The following FRMPD1 variants were observed in gnomAD, a reference collection of about 807,000 sequenced individuals.
The protein encoded by FRMPD1 is FERM and PDZ domain containing 1, also known as FERM and PDZ domain-containing protein 1.
FRMPD1 carries 76 observed loss-of-function variants against 117.8 expected under a neutral mutation model. That is an observed-to-expected ratio of 0.65 (90% confidence interval 0.54 to 0.78). The LOEUF (loss-of-function observed/expected upper bound fraction) is 0.78, where lower values mean the gene tolerates loss of function less well. Ranked by LOEUF, FRMPD1 falls within the 30% of genes least tolerant of loss-of-function variation. The probability of loss-of-function intolerance (pLI) is 0.00; values close to 1 mark genes in which losing one functional copy is unlikely to be tolerated. For missense variants in FRMPD1, 1,786 were observed against 1,964.5 expected (o/e 0.91, Z 1.72); for synonymous variants, 783 against 770.4 (o/e 1.02, Z -0.27).
At chr9:37,619,823 G>A in the FRMPD1 span, among the ~76,000 whole-genome samples, 34 of 151,396 alleles carry the variant, frequency 2.2e-4, no homozygotes, top group African/African-American at 7.3e-4. Context: ...GGACCCTGCC[G>A]TATAGTCTTG....
intron 8 of FRMPD1, among the ~76,000 whole-genome samples, chr9:37,730,072 C>A (rs1171430823): frequency 1.3e-5 from 2 of 152,176 alleles, no homozygotes; most frequent in African/African-American, 4.8e-5. Flanking sequence ...GATTTAAGGT[C>A]CCCATTTTGC....
At chr9:37,670,159 A>T (rs1821303476) in intron 1 of FRMPD1, 1 of 152,166 alleles carries the variant, frequency 6.6e-6, no homozygotes. Context: ...ACTGTATTAT[A>T]CTGGGTTTTC....
At chr9:37,695,035 ATAG>A (rs1822273079) in intron 2 of FRMPD1, among the ~76,000 whole-genome samples, 2 of 152,194 alleles carry the variant, frequency 1.3e-5, no homozygotes, top group African/African-American at 2.4e-5. Context: ...AGATAGATAG[ATAG>A]ATAGATAGAT....
At chr9:37,637,186 G>A in the FRMPD1 span, 2 of 1,609,434 alleles carry the variant, frequency 1.2e-6, no homozygotes, top group Non-Finnish European at 1.7e-6. Context: ...TGCTGATGTA[G>A]CTCTCTGTGT....
chr9:37,672,758 A>G (rs1051517532), intron 1 of FRMPD1, among the ~76,000 whole-genome samples: 1 of 152,184 alleles, frequency 6.6e-6, no homozygotes, highest in Non-Finnish European at 1.5e-5. Context: ...CCTCAGAATC[A>G]TGGCAGGAGG....
At chr9:37,611,321 A>G in the FRMPD1 span, among the ~76,000 whole-genome samples, 1 of 152,218 alleles carries the variant, frequency 6.6e-6, no homozygotes, top group Non-Finnish European at 1.5e-5. Flanking sequence ...TGCTTATGCG[A>G]ATCTACATGT....
At chr9:37,717,343 G>GTA (rs1823173850) in intron 5 of FRMPD1, among the ~76,000 whole-genome samples, 1 of 42,386 alleles carries the variant, frequency 2.4e-5, no homozygotes, top group Non-Finnish European at 6.5e-5. Context: ...GTGTATATAT[G>GTA]TGTGTGTGTG....
chr9:37,729,382 CAAAAAAAAAAA>C (rs60967717), intron 7 of FRMPD1, among the ~76,000 whole-genome samples: 5 of 54,724 alleles, frequency 9.1e-5, no homozygotes, highest in Non-Finnish European at 1.2e-4. Context: ...GAGACCCTCT[CAAAAAAAAAAA>C]AAAAAAAAAA....
intron 1 of FRMPD1, among the ~76,000 whole-genome samples, chr9:37,678,320 G>A (rs1821603828): frequency 7.2e-6 from 1 of 139,238 alleles, no homozygotes; most frequent in African/African-American, 2.7e-5. Context: ...GAGTGCAGTG[G>A]TGCAATCTCG....
At chr9:37,614,351 A>G in the FRMPD1 span, among the ~76,000 whole-genome samples, 3 of 152,252 alleles carry the variant, frequency 2.0e-5, no homozygotes, top group Non-Finnish European at 4.4e-5. Context: ...TGGGGAAGGC[A>G]GGCTGGGATC....
intron 5 of FRMPD1, among the ~76,000 whole-genome samples, chr9:37,718,383 A>T (rs1214933400): frequency 6.6e-6 from 1 of 152,234 alleles, no homozygotes; most frequent in Non-Finnish European, 1.5e-5. Flanking sequence ...TCAGGATTTC[A>T]TCCAGGAAGG....
chr9:37,682,385 A>T (rs1391760971), intron 1 of FRMPD1, among the ~76,000 whole-genome samples: 1 of 152,212 alleles, frequency 6.6e-6, no homozygotes, highest in Non-Finnish European at 1.5e-5. Flanking sequence ...ATAGAGTTGG[A>T]CATCCAGGAA....
chr9:37,661,416 C>T (rs1001601066), intron 1 of FRMPD1, among the ~76,000 whole-genome samples: 1 of 152,198 alleles, frequency 6.6e-6, no homozygotes, highest in Non-Finnish European at 1.5e-5. Flanking sequence ...CTGTTTTCCA[C>T]CTACACATGG....
intron 2 of FRMPD1, among the ~76,000 whole-genome samples, chr9:37,700,015 A>G (rs1455785013): frequency 6.6e-6 from 1 of 152,158 alleles, no homozygotes. Flanking sequence ...TAAGAAGTCT[A>G]TTTACTAATT....
At chr9:37,613,595 C>T in the FRMPD1 span, among the ~76,000 whole-genome samples, 3 of 152,166 alleles carry the variant, frequency 2.0e-5, no homozygotes, top group Non-Finnish European at 4.4e-5. Flanking sequence ...TTGTTCCTAG[C>T]GTTCTCTGAA....
chr9:37,721,107 G>A (rs1055264918), intron 6 of FRMPD1, among the ~76,000 whole-genome samples: 3 of 152,196 alleles, frequency 2.0e-5, no homozygotes, highest in African/African-American at 7.2e-5. Flanking sequence ...CACCTGAACT[G>A]GCTACAGAAC....
chr9:37,657,382 T>C (rs1226904196), intron 1 of FRMPD1, among the ~76,000 whole-genome samples: 1 of 152,250 alleles, frequency 6.6e-6, no homozygotes, highest in Non-Finnish European at 1.5e-5. Context: ...GGAAAAACAA[T>C]TATTAAAGAC....
intron 1 of FRMPD1, among the ~76,000 whole-genome samples, chr9:37,681,464 C>G (rs1821728024): frequency 1.3e-5 from 2 of 152,122 alleles, no homozygotes; most frequent in African/African-American, 4.8e-5. Context: ...TCCTTCCTTT[C>G]TAAGAATGTC....
intron 1 of FRMPD1, among the ~76,000 whole-genome samples, chr9:37,666,353 A>C (rs1821159878): frequency 6.6e-6 from 1 of 152,144 alleles, no homozygotes; most frequent in South Asian, 2.1e-4. Flanking sequence ...CCTTAGTCCC[A>C]CACTTAAGGC....
Sources: allele counts gnomAD v4.1 joint callset (sites outside exome capture counted in the v4.1 genomes callset), GRCh38; gene constraint gnomAD v4.1.1; transcripts MANE v1.5; gene names NCBI Gene and HGNC (gene_info 2026-07-23, HGNC 2026-07-21).